Variants in COL5A3 observed in about 807,000 individuals in gnomAD.
The protein encoded by COL5A3 is collagen alpha-3(V) chain.
Under a neutral mutation model 250.0 loss-of-function variants are expected in COL5A3, and 172 were observed. The ratio of observed to expected loss-of-function variants is 0.69; its 90% CI spans 0.61 to 0.78. The LOEUF is 0.78. Among genes scored for constraint, COL5A3 ranks in the 30% least tolerant of loss-of-function variants. The probability of loss-of-function intolerance (pLI) is 0.00; values close to 1 mark genes in which losing one functional copy is unlikely to be tolerated. For missense variants in COL5A3, 2,340 were observed against 2,334.4 expected (o/e 1.00, Z -0.05); for synonymous variants, 937 against 900.4 (o/e 1.04, Z -0.73).
intron 1 of COL5A3, among the ~76,000 whole-genome samples, chr19:10,007,586 C>G (rs1462455866): frequency 2.0e-5 from 3 of 152,130 alleles, no homozygotes; most frequent in Non-Finnish European, 4.4e-5. Context: ...CCTCAGCAAA[C>G]TGTCCCACTG....
intron 31 of COL5A3, among the ~76,000 whole-genome samples, chr19:9,984,942 ATTTTTTTTTTTT>A (rs71188874): frequency 6.0e-5 from 5 of 83,008 alleles, no homozygotes; most frequent in African/African-American, 2.5e-4. Flanking sequence ...CATCTGGCTA[ATTTTTTTTTTTT>A]TTTTTTTTTT....
Position 9,962,829 on chromosome 19 carries a change from C to T in COL5A3, c.4841G>A (p.Arg1614Gln), listed in dbSNP as rs748953537. 6.2e-7 allele frequency: 1 copy of T among 1,610,450 alleles called. No homozygotes were observed. Among genetic ancestry groups the T allele is most frequent in the Non-Finnish European group, 8.5e-7 (1 of 1,178,238 alleles). ...GCCTCGGTGACTCACCTTCTTCCCT[C>T]GACGGAATGTGCTATACCAGCCTCC... Reference protein sequence around the residue: ...KPGGWYSTFRRGKKFSYVDAD... With the variant: ...KPGGWYSTFRQGKKFSYVDAD... Residue 1614 changes from arginine (R) to glutamine (Q), a missense_variant, in exon 65 of 67, where the codon CGA (arginine) becomes CAA (glutamine). Physicochemically the swap from Arg to Gln is conservative, Grantham distance 43. Around this residue, in one of 3 missense-constraint regions of COL5A3, gnomAD observed 1,179 missense variants for 1,162.6 expected, o/e 1.01. Transcript: ENST00000264828.
In COL5A3 at chr19:9,960,307, G is replaced by T; in HGVS notation, c.*104C>A. 3 of 1,368,510 alleles carry T rather than the reference G, an allele frequency of 2.2e-6. No homozygotes were observed. Among genetic ancestry groups the T allele is most frequent in the Non-Finnish European group, 3.1e-6 (3 of 982,044 alleles). 84.8% of individuals were successfully genotyped at this position (1,368,510 alleles called of 1,614,324 possible). ...TGATGAGCGAAGTCACATCCCATTG[G>T]CTCCATAGTCACAGGTAACGAAAAA... On this transcript the variant is annotated 3_prime_UTR_variant, in exon 67 of 67. Transcript: ENST00000264828.
At position 9,974,383 on chromosome 19, in the gene COL5A3, C is replaced by T. The variant is rs140683403; in HGVS notation, c.3368G>A (p.Arg1123Gln). 7.5e-6 allele frequency: 12 copies of T among 1,607,628 alleles called. No homozygotes were observed. The highest frequency in any genetic ancestry group is 3.3e-5 in the South Asian group (3 of 90,024). The change falls in exon 46 of 67, where the codon CGG becomes CAG. Residue 1123 changes from arginine to glutamine, a missense_variant. Arg to Gln is a conservative substitution (Grantham distance 43). This residue lies in a region of COL5A3 where 1,179 missense variants were observed against 1,162.6 expected (regional missense o/e 1.01). Coordinates refer to ENST00000264828, the MANE Select transcript of COL5A3 (RefSeq NM_015719.4). ...CTGCCCAAAGAGGCCTGGGGGTCCCCGGCGCCCCTGAGCCCCGTCTGCTCC... is the reference window on the plus strand; with the variant it reads ...CTGCCCAAAGAGGCCTGGGGGTCCCTGGCGCCCCTGAGCCCCGTCTGCTCC... The part of the protein sequence containing the change: ...PPGADGAQGR[R>Q]GPPGLFGQKG...
chr19:9,981,098 C>A lies in COL5A3; in HGVS notation c.2495G>T (p.Arg832Leu), dbSNP rs900091483. 6.2e-7 allele frequency: 1 copy of A among 1,613,838 alleles called. No homozygotes were observed. Among genetic ancestry groups the A allele is most frequent in the Admixed American group, 1.7e-5 (1 of 59,990 alleles). The change falls in exon 33 of 67, where the codon CGG (arginine) becomes CTG (leucine). Residue 832 changes from arginine to leucine, a missense_variant. Arg to Leu is a moderately radical substitution (Grantham distance 102). Around this residue, in one of 3 missense-constraint regions of COL5A3, gnomAD observed 1,152 missense variants for 1,146.3 expected, o/e 1.00. Transcript: ENST00000264828. The stretch of plus-strand genomic sequence containing the variant: ...TGTCTATTTTCTTACTGGTGGTCCC[C>A]GCTCTCCTTCCAGGCCTGGCTGCCC... ...KTGQPGLEGE[R>L]GPPGSRGERG...
Position 9,970,086 on chromosome 19 carries a change from G to T in COL5A3, c.3937-164C>A, listed in dbSNP as rs112526101. ...GTGAGTGGGGGCTGTGGGTGAGTGG[G>T]GGCTGTGGCTGAGTGGAGGCTGTGG... is the stretch of plus-strand genomic sequence containing the variant. On this transcript the variant is annotated intron_variant, in intron 54 of 66. Transcript: ENST00000264828. Among the ~76,000 whole-genome samples the T allele has an allele frequency of 2.4e-4, 14 of 57,490 alleles. 1 individual carries two copies. Among genetic ancestry groups the T allele is most frequent in the African/African-American group, 1.6e-3 (14 of 8,600 alleles). 37.7% of individuals were successfully genotyped at this position (57,490 alleles called of 152,430 possible). A position where few individuals can be genotyped will look rare whatever the true frequency, so the allele number is the denominator to read the frequency against.
chr19:10,008,991 T>C (rs1568436140), intron 1 of COL5A3, among the ~76,000 whole-genome samples: 1 of 152,084 alleles, frequency 6.6e-6, no homozygotes, highest in Non-Finnish European at 1.5e-5. Flanking sequence ...GGGGGTTGCC[T>C]GGACACGGTG....
intron 45 of COL5A3, among the ~76,000 whole-genome samples, chr19:9,975,780 G>A (rs1286589739): frequency 2.0e-5 from 3 of 151,956 alleles, no homozygotes; most frequent in East Asian, 1.9e-4. Context: ...AGATTCTGGG[G>A]TTGAGTTCAC....
intron 65 of COL5A3, among the ~76,000 whole-genome samples, chr19:9,962,202 GC>G (rs1421242861): frequency 2.6e-5 from 4 of 152,054 alleles, no homozygotes; most frequent in Non-Finnish European, 4.4e-5. Flanking sequence ...TTCCTCCAGG[GC>G]TCAAGTGATT....
intron 8 of COL5A3, among the ~76,000 whole-genome samples, chr19:9,998,741 G>C (rs1168482648): frequency 6.6e-6 from 1 of 150,390 alleles, no homozygotes; most frequent in Non-Finnish European, 1.5e-5. Flanking sequence ...CTGGAGTGCA[G>C]TGGTGTGATC....
rs773602281 is a variant in COL5A3 at position 9,968,342 on chromosome 19, C to T, written c.4314+43G>A. 1.4e-6 allele frequency: 2 copies of T among 1,412,444 alleles called. No homozygotes were observed. The highest frequency in any genetic ancestry group is 2.3e-5 in the East Asian group (1 of 43,430). The allele number at this position is 1,412,444 out of a possible 1,614,324, so 87.5% of individuals were successfully genotyped here. On this transcript the variant is annotated intron_variant, in intron 59 of 66. Transcript: ENST00000264828. This position sits in a 1 kb window ranked among gnomAD's most constrained non-coding sequence, Gnocchi z 4.1. Reference sequence around the variant, plus strand: ...ACACCCACAGTCTCTCAACCGACCCCCTCCTTCAAATGCATTCTTCCCGCT... The same window carrying T: ...ACACCCACAGTCTCTCAACCGACCCTCTCCTTCAAATGCATTCTTCCCGCT...
rs61153479 is a variant in COL5A3, at chr19:9,961,559, A to ATT, written c.4852-671_4852-670dup. Among the ~76,000 whole-genome samples, 909 of 126,186 alleles carry ATT rather than the reference A, an allele frequency of 7.2e-3. 14 individuals are homozygous for ATT. The highest frequency in any genetic ancestry group is 0.025 in the African/African-American group (804 of 32,616). 82.8% of individuals were successfully genotyped at this position (126,186 alleles called of 152,430 possible). On this transcript the variant is annotated intron_variant, in intron 65 of 66. Transcript: ENST00000264828. ...CTTTTTTTTTTTTTAACTTCATTTA[A>ATT]TTTTTTTTTTTTTTTTTGAGACGGA...
intron 8 of COL5A3, among the ~76,000 whole-genome samples, chr19:9,999,992 A>C (rs2087335173): frequency 6.6e-6 from 1 of 152,040 alleles, no homozygotes; most frequent in South Asian, 2.1e-4. Flanking sequence ...TCTTGGGCTC[A>C]GGTGATCTTC....
At chr19:9,978,734 A>T in intron 40 of COL5A3, 107 bp from the exon 41 acceptor site, 2 of 948,906 alleles carry the variant, frequency 2.1e-6, no homozygotes, top group Non-Finnish European at 3.1e-6. Context: ...GGGACTGGAC[A>T]CTGAGCTTTG....
chr19:9,967,365 T>TG lies in COL5A3; in HGVS notation c.4439dup (p.Gly1481ArgfsTer76), dbSNP rs767057498. The TG allele has an allele frequency of 4.1e-6, 6 of 1,453,510 alleles. No homozygotes were observed. Among genetic ancestry groups the TG allele is most frequent in the African/African-American group, 1.5e-5 (1 of 66,804 alleles). The allele number at this position is 1,453,510 out of a possible 1,614,324, so 90.0% of individuals were successfully genotyped here. ...AACTCACCGGGGGGCCTGGTGGGCC[T>TG]GCAGGTCCAGTGTCTCCACGGGGGC... On this transcript the variant is annotated frameshift_variant, in exon 62 of 67. Transcript: ENST00000264828. LOFTEE classifies it high-confidence loss of function.
rs576141482 is a variant in COL5A3 at position 10,010,198 on chromosome 19, C to T, written c.88+100G>A. ...ACCGGGGCCGCACGCGGCGCCCACG[C>T]CCTTCCCCTCCACGCCCCTCCACCC... On this transcript the variant is annotated intron_variant, in intron 1 of 66. Transcript: ENST00000264828. 5 of 840,812 alleles carry T rather than the reference C, an allele frequency of 5.9e-6. No homozygotes were observed. The South Asian group carries it at 1.9e-4, about 32-fold the overall frequency. The allele number at this position is 840,812 out of a possible 1,614,324, so 52.1% of individuals were successfully genotyped here. A position where few individuals can be genotyped will look rare whatever the true frequency, so the allele number is the denominator to read the frequency against.
At chr19:9,961,653 G>A (rs926135949) in intron 65 of COL5A3, among the ~76,000 whole-genome samples, 1 of 151,492 alleles carries the variant, frequency 6.6e-6, no homozygotes, top group African/African-American at 2.4e-5. Context: ...CCGCCTCCCG[G>A]GTTCACGCCT....
At position 9,968,623 on chromosome 19, in the gene COL5A3, G is replaced by A. The variant is rs372748158; in HGVS notation, c.4206+52C>T. ...TCTCCCAGCCCCCCAGCCAGGGAGG[G>A]AGGGAAAGAGGGGAGGAGATGGGGA... On this transcript the variant is annotated intron_variant, in intron 58 of 66. Coordinates refer to ENST00000264828, the MANE Select transcript of COL5A3 (RefSeq NM_015719.4). This position sits in a 1 kb window ranked among gnomAD's most constrained non-coding sequence, Gnocchi z 4.1. 135 of 1,589,326 alleles carry A rather than the reference G, an allele frequency of 8.5e-5. 1 individual carries two copies. The highest frequency in any genetic ancestry group is 3.3e-4 in the Middle Eastern group (2 of 6,032).
In COL5A3 at chr19:9,996,123, G is replaced by T. The variant is rs1429950200; in HGVS notation, c.1480-4C>A. 3 of 1,575,044 alleles carry T rather than the reference G, an allele frequency of 1.9e-6. No individual in the cohort carries two copies. Among genetic ancestry groups the T allele is most frequent in the South Asian group, 1.2e-5 (1 of 84,654 alleles). ...GACCTGGATGCCCGGGGAGACCCTT[G>T]GGGGAGGAGAGATGGAGGAGTGTGG... is the stretch of plus-strand genomic sequence containing the variant. On this transcript the variant is annotated splice_region_variant and splice_polypyrimidine_tract_variant and intron_variant, in intron 14 of 66. Transcript: ENST00000264828.
Sources: allele counts gnomAD v4.1 joint callset (sites outside exome capture counted in the v4.1 genomes callset), GRCh38; gene constraint gnomAD v4.1.1; regional missense constraint gnomAD v4.1.1; non-coding constraint Gnocchi (gnomAD v3.1); transcripts MANE v1.5; gene names NCBI Gene and HGNC (gene_info 2026-07-23, HGNC 2026-07-21).